The following ADAMTS3 variants were observed in gnomAD, a reference collection of about 807,000 sequenced individuals.
ADAMTS3 encodes the protein A disintegrin and metalloproteinase with thrombospondin motifs 3.
Under a neutral mutation model 129.0 loss-of-function variants are expected in ADAMTS3, and 73 were observed. The observed-to-expected ratio is 0.57, with a 90% CI of 0.47 to 0.69. The LOEUF is 0.69. Ranked by LOEUF, ADAMTS3 falls within the 30% of genes least tolerant of loss-of-function variation. The pLI is 0.00. For synonymous variants in ADAMTS3, 477 were observed against 510.8 expected (o/e 0.93, Z 0.89); for missense variants, 1,457 against 1,514.5 (o/e 0.96, Z 0.63).
chr4:72,526,377 A>C (rs1360273429), intron 3 of ADAMTS3, among the ~76,000 whole-genome samples: 1 of 152,082 alleles, frequency 6.6e-6, no homozygotes, highest in Admixed American at 6.6e-5. Context: ...ATTTGATAGA[A>C]AACAGCTCAG....
At chr4:72,324,970 T>G (rs1043340592) in intron 5 of ADAMTS3, among the ~76,000 whole-genome samples, 1 of 152,086 alleles carries the variant, frequency 6.6e-6, no homozygotes, top group African/African-American at 2.4e-5. Context: ...TTTCTGAGTC[T>G]CAATAAAATG....
intron 4 of ADAMTS3, among the ~76,000 whole-genome samples, chr4:72,384,095 T>G (rs1721373623): frequency 6.6e-6 from 1 of 151,698 alleles, no homozygotes; most frequent in African/African-American, 2.4e-5. Context: ...AACTGGGAAA[T>G]CAATAAACAG....
intron 3 of ADAMTS3, among the ~76,000 whole-genome samples, chr4:72,508,330 T>C (rs1720219395): frequency 6.6e-6 from 1 of 152,116 alleles, no homozygotes; most frequent in Admixed American, 6.6e-5. Flanking sequence ...TAAAATGGGT[T>C]AGTGGTTAAA....
At chr4:72,555,768 T>C (rs764019767) in intron 2 of ADAMTS3, among the ~76,000 whole-genome samples, 16 of 151,628 alleles carry the variant, frequency 1.1e-4, no homozygotes, top group Non-Finnish European at 2.1e-4. Context: ...GTGGGGGTGA[T>C]TGAATCATGG....
At chr4:72,482,864 A>C (rs1719476005) in intron 3 of ADAMTS3, among the ~76,000 whole-genome samples, 1 of 152,318 alleles carries the variant, frequency 6.6e-6, no homozygotes, top group South Asian at 2.1e-4. Flanking sequence ...AAAATTGGTC[A>C]CTGTAACTCA....
At chr4:72,537,635 C>A (rs1721215143) in intron 3 of ADAMTS3, among the ~76,000 whole-genome samples, 2 of 152,132 alleles carry the variant, frequency 1.3e-5, no homozygotes, top group African/African-American at 2.4e-5. Context: ...AACAACAAAG[C>A]AAACAGCAAG....
chr4:72,441,205 C>A (rs578182456), intron 3 of ADAMTS3, among the ~76,000 whole-genome samples: 50 of 151,752 alleles, frequency 3.3e-4, no homozygotes, highest in South Asian at 1.5e-3. Context: ...CAGCATAATG[C>A]TTTTGAGATT....
intron 4 of ADAMTS3, among the ~76,000 whole-genome samples, chr4:72,372,696 T>A (rs898239068): frequency 1.3e-5 from 2 of 152,080 alleles, no homozygotes; most frequent in Middle Eastern, 3.5e-3. Flanking sequence ...TTTAAAAAAA[T>A]ATAATTCACA....
chr4:72,316,617 T>A (rs1050964965), intron 10 of ADAMTS3, among the ~76,000 whole-genome samples: 1 of 151,816 alleles, frequency 6.6e-6, no homozygotes, highest in Non-Finnish European at 1.5e-5. Flanking sequence ...GAACCCAGGA[T>A]GTGGAGGTTG....
At chr4:72,422,675 A>G (rs1722476320) in intron 3 of ADAMTS3, among the ~76,000 whole-genome samples, 1 of 152,148 alleles carries the variant, frequency 6.6e-6, no homozygotes, top group South Asian at 2.1e-4. Context: ...CAGATGATGA[A>G]AACAGCGATC....
chr4:72,308,593 AT>A (rs1719148795), intron 15 of ADAMTS3, among the ~76,000 whole-genome samples: 2 of 152,006 alleles, frequency 1.3e-5, no homozygotes, highest in South Asian at 4.1e-4. Context: ...TCCCAGAAAC[AT>A]TTGCCAAATA....
At chr4:72,425,031 C>G (rs530943972) in intron 3 of ADAMTS3, among the ~76,000 whole-genome samples, 1 of 152,232 alleles carries the variant, frequency 6.6e-6, no homozygotes, top group African/African-American at 2.4e-5. Context: ...TCCTATATTT[C>G]AAGCTAAAGC....
At chr4:72,418,051 T>C (rs571950276) in intron 3 of ADAMTS3, among the ~76,000 whole-genome samples, 12 of 151,358 alleles carry the variant, frequency 7.9e-5, no homozygotes, top group Non-Finnish European at 1.6e-4. Flanking sequence ...ATAAATAAAA[T>C]ACATGCCTAC....
chr4:72,314,468 C>A (rs1469460944), intron 11 of ADAMTS3, among the ~76,000 whole-genome samples: 1 of 152,116 alleles, frequency 6.6e-6, no homozygotes, highest in African/African-American at 2.4e-5. Context: ...TATAGAGGCA[C>A]CTAGCTTACA....
chr4:72,305,322 A>G (rs773575417), intron 16 of ADAMTS3, among the ~76,000 whole-genome samples: 6 of 152,240 alleles, frequency 3.9e-5, no homozygotes, highest in Middle Eastern at 6.8e-3. Flanking sequence ...CAGATATTAG[A>G]ATAATTTAAG....
chr4:72,507,024 C>T (rs1720178538), intron 3 of ADAMTS3, among the ~76,000 whole-genome samples: 1 of 152,114 alleles, frequency 6.6e-6, no homozygotes, highest in Non-Finnish European at 1.5e-5. Context: ...GTGTACCACT[C>T]CATATATCAA....
At chr4:72,541,036 C>T (rs1407183035) in intron 3 of ADAMTS3, among the ~76,000 whole-genome samples, 2 of 152,168 alleles carry the variant, frequency 1.3e-5, no homozygotes, top group Non-Finnish European at 2.9e-5. Flanking sequence ...GATATATCCA[C>T]CAACAGCTTG....
intron 3 of ADAMTS3, among the ~76,000 whole-genome samples, chr4:72,430,242 A>G (rs1722665211): frequency 6.6e-6 from 1 of 151,986 alleles, no homozygotes; most frequent in African/African-American, 2.4e-5. Context: ...CTCACTTGCA[A>G]CTGAAAGAAT....
At chr4:72,317,502 C>T (rs938496988) in intron 10 of ADAMTS3, among the ~76,000 whole-genome samples, 1 of 150,138 alleles carries the variant, frequency 6.7e-6, no homozygotes, top group South Asian at 2.1e-4. Context: ...TTACTAAAGA[C>T]CAATGTGGAA....
Sources: gnomAD v4.1 joint callset for allele counts (sites outside exome capture counted in the v4.1 genomes callset) on GRCh38, gnomAD v4.1.1 for gene constraint, MANE v1.5 for transcripts, NCBI Gene and HGNC (gene_info 2026-07-23, HGNC 2026-07-21) for gene names.